MOB1A: variants seen among roughly 807,000 people sequenced by gnomAD.
MOB1A encodes the protein MOB kinase activator 1A.
MOB1A carries 10 observed loss-of-function variants against 25.1 expected under a neutral mutation model. The observed-to-expected ratio is 0.40, with a 90% CI of 0.25 to 0.68. The LOEUF is 0.68. MOB1A is among the 30% of genes least tolerant of loss of function. The pLI, the probability that MOB1A is intolerant of heterozygous loss-of-function variation, is 0.40. For synonymous variants in MOB1A, 81 were observed against 79.5 expected, an observed-to-expected ratio of 1.02 and a Z score of -0.10; for missense variants, 177 against 256.3, an observed-to-expected ratio of 0.69 and a Z score of 2.11.
In MOB1A at chr2:74,155,516, T is replaced by G. The variant is rs1208008166; in HGVS notation, c.*1052A>C. ...AGATGTGTACACCTTCATGGTTTATTGTGGTTTTCCTTAAGTTTTATCCTT... is the reference window on the plus strand; with the variant it reads ...AGATGTGTACACCTTCATGGTTTATGGTGGTTTTCCTTAAGTTTTATCCTT... On this transcript the variant is annotated 3_prime_UTR_variant, in exon 6 of 6. Transcript: ENST00000396049. The G allele has an allele frequency of 6.6e-6, 1 of 152,616 alleles. No individual in the cohort carries two copies. Among genetic ancestry groups the G allele is most frequent in the Non-Finnish European group, 1.5e-5 (1 of 68,014 alleles). The allele number at this position is 152,616 out of a possible 1,614,324, so 9.5% of individuals were successfully genotyped here.
At position 74,154,816 on chromosome 2, in the gene MOB1A, T is replaced by C. The variant is rs1188802679; in HGVS notation, c.*1752A>G. On this transcript the variant is annotated 3_prime_UTR_variant, in exon 6 of 6. Coordinates refer to ENST00000396049, the MANE Select transcript of MOB1A (RefSeq NM_018221.5). ...TGGACCTTTGGATAAGCTTAAAACA[T>C]GGATTGTGGAATGTCTAATAGAGGG... The C allele has an allele frequency of 6.6e-6, 1 of 152,190 alleles. No individual in the cohort carries two copies. Among genetic ancestry groups the C allele is most frequent in the African/African-American group, 2.4e-5 (1 of 41,454 alleles). 9.4% of individuals were successfully genotyped at this position (152,190 alleles called of 1,614,324 possible).
intron 1 of MOB1A, among the ~76,000 whole-genome samples, chr2:74,174,538 C>T (rs1275369162): frequency 6.6e-6 from 1 of 152,080 alleles, no homozygotes; most frequent in East Asian, 1.9e-4. Context: ...GTAAAAGAAA[C>T]ACTAACATCT....
At chr2:74,167,861 G>T (rs1693177158) in intron 2 of MOB1A, among the ~76,000 whole-genome samples, 1 of 152,176 alleles carries the variant, frequency 6.6e-6, no homozygotes. Flanking sequence ...ATATGGCCAG[G>T]CATGGTGGCT....
In MOB1A at chr2:74,154,146, T is replaced by C. The variant is rs376668134; in HGVS notation, c.*2422A>G. The C allele has an allele frequency of 7.2e-6, 1 of 139,242 alleles. No individual in the cohort carries two copies. Among genetic ancestry groups the C allele is most frequent in the African/African-American group, 2.8e-5 (1 of 35,608 alleles). 8.6% of individuals were successfully genotyped at this position (139,242 alleles called of 1,614,324 possible). Reference sequence around the variant, plus strand: ...AGGCAGAGCTTGCAGTGAGCCGAGATCCCACCACTGTACTCCAGCCTGGGT... The same window carrying C: ...AGGCAGAGCTTGCAGTGAGCCGAGACCCCACCACTGTACTCCAGCCTGGGT... On this transcript the variant is annotated 3_prime_UTR_variant, in exon 6 of 6. Transcript: ENST00000396049.
At chr2:74,165,430 T>A in intron 3 of MOB1A, 79 bp from the exon 4 acceptor site, 1 of 828,494 alleles carries the variant, frequency 1.2e-6, no homozygotes, top group Non-Finnish European at 1.7e-6. Context: ...ACAGGTTCAT[T>A]CACATTTTGT....
At chr2:74,166,926 G>A (rs1190924544) in intron 3 of MOB1A, 88 bp downstream of exon 3, 11 of 943,574 alleles carry the variant, frequency 1.2e-5, no homozygotes, top group South Asian at 9.1e-5. Flanking sequence ...TCACACAAAC[G>A]GATAACAAAT....
intron 1 of MOB1A, among the ~76,000 whole-genome samples, chr2:74,173,846 G>C (rs1227019613): frequency 1.3e-5 from 2 of 149,292 alleles, no homozygotes; most frequent in African/African-American, 4.9e-5. Flanking sequence ...CTACACGGGA[G>C]GCTGAGGCAG....
intron 1 of MOB1A, chr2:74,173,256 G>A (rs568535118): frequency 2.0e-6 from 1 of 512,094 alleles, no homozygotes; most frequent in East Asian, 5.5e-5. Context: ...CACAAATAAG[G>A]CAATTTTACT....
intron 4 of MOB1A, chr2:74,164,535 A>G (rs971249888): frequency 6.6e-6 from 1 of 151,970 alleles, no homozygotes; most frequent in African/African-American, 2.4e-5. Context: ...AAAAAAATAA[A>G]AAAAGAAAAC....
intron 2 of MOB1A, among the ~76,000 whole-genome samples, chr2:74,168,051 A>C (rs1693182004): frequency 6.6e-6 from 1 of 152,198 alleles, no homozygotes; most frequent in South Asian, 2.1e-4. Flanking sequence ...AGGCGAGAGG[A>C]CTGCTTGAGC....
intron 5 of MOB1A, among the ~76,000 whole-genome samples, chr2:74,158,826 GCAA>G (rs138297765): frequency 0.072 from 10,681 of 148,792 alleles, 1,259 homozygotes; most frequent in African/African-American, 0.25. Context: ...GGTCCACAAA[GCAA>G]CAGGCCACAA....
rs1056433633 is a variant in MOB1A at position 74,178,861 on chromosome 2, C to A, written c.-187G>T. On this transcript the variant is annotated 5_prime_UTR_variant, in exon 1 of 6. Transcript: ENST00000396049. ...CGGCGCCCGCCTTGCCCGCCTACCC[C>A]ACCTCGCAGACCCGAAATGCGGAAC... 2.6e-6 allele frequency: 1 copy of A among 388,904 alleles called. No individual in the cohort carries two copies. The highest frequency in any genetic ancestry group is 4.5e-6 in the Non-Finnish European group (1 of 221,264). 24.1% of individuals were successfully genotyped at this position (388,904 alleles called of 1,614,324 possible).
At chr2:74,174,208 T>C (rs1298608838) in intron 1 of MOB1A, among the ~76,000 whole-genome samples, 1 of 147,014 alleles carries the variant, frequency 6.8e-6, no homozygotes, top group Non-Finnish European at 1.5e-5. Flanking sequence ...GAGGCGGAGG[T>C]TGCAGTGAGC....
intron 1 of MOB1A, chr2:74,178,405 A>C: frequency 3.1e-6 from 1 of 317,524 alleles, no homozygotes; most frequent in Non-Finnish European, 5.8e-6. Flanking sequence ...TCGGGCGGAA[A>C]AGTTTGGAGG....
At chr2:74,177,815 T>TA (rs1386703384) in intron 1 of MOB1A, among the ~76,000 whole-genome samples, 1 of 152,228 alleles carries the variant, frequency 6.6e-6, no homozygotes, top group Admixed American at 6.5e-5. Context: ...CACCTGAGAA[T>TA]AAAAAATACT....
intron 5 of MOB1A, 59 bp downstream of exon 5, chr2:74,159,032 G>A (rs764961402): frequency 1.9e-6 from 3 of 1,552,876 alleles, no homozygotes; most frequent in Non-Finnish European, 2.6e-6. Context: ...CTTTGTTGAA[G>A]TTCCCAATCC....
intron 4 of MOB1A, among the ~76,000 whole-genome samples, chr2:74,161,742 G>A (rs1168969551): frequency 6.6e-6 from 1 of 151,900 alleles, no homozygotes; most frequent in South Asian, 2.1e-4. Context: ...GGTTGCTTGG[G>A]CCTAGAAGTT....
rs1031637698 is a variant in MOB1A at position 74,173,612 on chromosome 2, C to T, written c.15-860G>A. On this transcript the variant is annotated intron_variant, in intron 1 of 5. Coordinates refer to ENST00000396049, the MANE Select transcript of MOB1A (RefSeq NM_018221.5). ...TGCCAGGCTGGTGTCGAACTCCTGA[C>T]CTCAAGTGATACACCCGCCTCAGCC... Among the ~76,000 whole-genome samples, 60 of 151,152 alleles carry T rather than the reference C, an allele frequency of 4.0e-4. 2 individuals are homozygous for T. The highest frequency in any genetic ancestry group is 8.9e-5 in the Non-Finnish European group (6 of 67,748).
At chr2:74,164,181 C>T (rs928075123) in intron 4 of MOB1A, 1 of 152,046 alleles carries the variant, frequency 6.6e-6, no homozygotes, top group Non-Finnish European at 1.5e-5. Context: ...GACAAACTGA[C>T]TAGTATTTCC....
Sources: gnomAD v4.1 joint callset for allele counts (sites outside exome capture counted in the v4.1 genomes callset) on GRCh38, gnomAD v4.1.1 for gene constraint, MANE v1.5 for transcripts, NCBI Gene and HGNC (gene_info 2026-07-23, HGNC 2026-07-21) for gene names.